Variants in MED26 observed in about 807,000 individuals in gnomAD.
MED26 encodes the protein mediator complex subunit 26.
A neutral mutation model predicts 43.7 loss-of-function variants in MED26; 7 were observed. The ratio of observed to expected loss-of-function variants is 0.16; its 90% CI spans 0.09 to 0.30. MED26 has a LOEUF of 0.30. Among genes scored for constraint, MED26 ranks in the 10% least tolerant of loss-of-function variants. The pLI, the probability that MED26 is intolerant of heterozygous loss-of-function variation, is 1.00. For synonymous variants in MED26, 375 were observed against 371.1 expected (o/e 1.01, Z -0.12); for missense variants, 784 against 840.6 (o/e 0.93, Z 0.83).
intron 1 of MED26, among the ~76,000 whole-genome samples, chr19:16,590,032 T>C (rs1276765150): frequency 6.6e-6 from 1 of 152,228 alleles, no homozygotes; most frequent in Non-Finnish European, 1.5e-5. Context: ...CTGAGAAACG[T>C]GTCTGCACTC....
At chr19:16,626,039 A>G (rs1472801274) in intron 1 of MED26, among the ~76,000 whole-genome samples, 2 of 152,284 alleles carry the variant, frequency 1.3e-5, no homozygotes, top group African/African-American at 4.8e-5. Flanking sequence ...ACACAAAACT[A>G]AGATTTGTTC....
At chr19:16,580,199 C>A (rs1029445865) in intron 1 of MED26, among the ~76,000 whole-genome samples, 2 of 152,302 alleles carry the variant, frequency 1.3e-5, no homozygotes, top group South Asian at 4.1e-4. Flanking sequence ...GCCAAGACTG[C>A]GTGGCAAGAG....
intron 1 of MED26, among the ~76,000 whole-genome samples, chr19:16,596,369 G>A (rs1197819506): frequency 6.6e-6 from 1 of 152,192 alleles, no homozygotes; most frequent in African/African-American, 2.4e-5. Flanking sequence ...GTCTCCAAAC[G>A]TGAAGGCCAG....
At chr19:16,598,260 C>A (rs567892383) in intron 1 of MED26, among the ~76,000 whole-genome samples, 2 of 147,012 alleles carry the variant, frequency 1.4e-5, no homozygotes, top group South Asian at 4.3e-4. Flanking sequence ...TGGCTTGAAT[C>A]CGGGAGGCGC....
intron 1 of MED26, among the ~76,000 whole-genome samples, chr19:16,585,888 G>C (rs999334817): frequency 1.3e-5 from 2 of 152,198 alleles, no homozygotes; most frequent in South Asian, 2.1e-4. Context: ...GAGTGGACCC[G>C]CTACTGGCCA....
intron 1 of MED26, among the ~76,000 whole-genome samples, chr19:16,593,882 C>G (rs144931551): frequency 3.9e-5 from 6 of 152,288 alleles, no homozygotes; most frequent in African/African-American, 1.4e-4. Context: ...CTCTCTCAGG[C>G]AAACATGTTT....
intron 1 of MED26, among the ~76,000 whole-genome samples, chr19:16,596,936 G>A (rs925764442): frequency 1.3e-5 from 2 of 152,222 alleles, no homozygotes; most frequent in African/African-American, 4.8e-5. Context: ...GGGCCAACTT[G>A]CAGCAGTTCA....
At chr19:16,588,317 C>CA (rs777156035) in intron 1 of MED26, 1 of 152,294 alleles carries the variant, frequency 6.6e-6, no homozygotes, top group Non-Finnish European at 1.5e-5. Context: ...AACACACACA[C>CA]AGTGCTCGGC....
Position 16,577,873 on chromosome 19 carries a change from G to A in MED26, c.148-191C>T. 1.9e-6 allele frequency: 1 copy of A among 537,270 alleles called. No homozygotes were observed. Among genetic ancestry groups the A allele is most frequent in the Non-Finnish European group, 3.2e-6 (1 of 308,756 alleles). 33.3% of individuals were successfully genotyped at this position (537,270 alleles called of 1,614,324 possible). On this transcript the variant is annotated intron_variant, in intron 2 of 2. Transcript: ENST00000263390. This position sits in a 1 kb window ranked among gnomAD's most constrained non-coding sequence, Gnocchi z 8.1. The stretch of plus-strand genomic sequence containing the variant: ...GTGACAATATAAATTCTCAAACCTA[G>A]TTCCCAGACCTTCAGGGTCCCAGGT...
rs1204808834 is a variant in MED26 at position 16,577,297 on chromosome 19, G to A, written c.533C>T (p.Ser178Phe). 2 of 1,611,580 alleles carry A rather than the reference G, an allele frequency of 1.2e-6. No individual in the cohort carries two copies. The highest frequency in any genetic ancestry group is 1.7e-6 in the Non-Finnish European group (2 of 1,178,738). Residue 178 changes from serine (S) to phenylalanine (F), a missense_variant, in exon 3 of 3, where the codon TCC becomes TTC. Physicochemically the swap from Ser to Phe is radical, Grantham distance 155. Around this residue, in one of 3 missense-constraint regions of MED26, gnomAD observed 719 missense variants for 730.9 expected, o/e 0.98. Coordinates refer to ENST00000263390, the MANE Select transcript of MED26 (RefSeq NM_004831.5). This position sits in a 1 kb window ranked among gnomAD's most constrained non-coding sequence, Gnocchi z 8.1. ...ASHDPLVPNSSPLPTNGISGS... is the reference protein window; with the variant it reads ...ASHDPLVPNSFPLPTNGISGS... ...ACTGATCCCGTTGGTGGGGAGGGGG[G>A]ATGAGTTGGGGACCAGGGGGTCGTG...
chr19:16,624,033 C>CA (rs2086262692), intron 1 of MED26, among the ~76,000 whole-genome samples: 1 of 151,862 alleles, frequency 6.6e-6, no homozygotes, highest in African/African-American at 2.4e-5. Flanking sequence ...GGGTGCCACA[C>CA]AAACTAACAA....
chr19:16,601,828 G>C (rs1245845451), intron 1 of MED26, among the ~76,000 whole-genome samples: 1 of 152,260 alleles, frequency 6.6e-6, no homozygotes, highest in Non-Finnish European at 1.5e-5. Context: ...GGGAGTGACA[G>C]GGTCAGACTG....
intron 1 of MED26, among the ~76,000 whole-genome samples, chr19:16,606,682 A>G (rs2086174850): frequency 6.6e-6 from 1 of 152,240 alleles, no homozygotes; most frequent in Admixed American, 6.5e-5. Context: ...GAGATTTTTG[A>G]TGGCTCAGTG....
intron 1 of MED26, among the ~76,000 whole-genome samples, chr19:16,583,247 C>G (rs893037007): frequency 4.6e-5 from 7 of 152,202 alleles, no homozygotes; most frequent in Non-Finnish European, 1.0e-4. Flanking sequence ...GGATTTGTTC[C>G]CAGTCCAAAA....
At chr19:16,620,811 C>T (rs2086248325) in intron 1 of MED26, among the ~76,000 whole-genome samples, 1 of 152,192 alleles carries the variant, frequency 6.6e-6, no homozygotes, top group South Asian at 2.1e-4. Flanking sequence ...TACACTGATG[C>T]TGTTTTGATG....
At chr19:16,602,712 T>C (rs895863743) in intron 1 of MED26, among the ~76,000 whole-genome samples, 7 of 152,182 alleles carry the variant, frequency 4.6e-5, no homozygotes, top group Non-Finnish European at 7.3e-5. Flanking sequence ...AGATGAAGAC[T>C]GAAGACATTA....
Position 16,578,345 on chromosome 19 carries a change from T to G in MED26, c.137A>C (p.Glu46Ala). 1 of 1,614,034 alleles carries G rather than the reference T, an allele frequency of 6.2e-7. No individual in the cohort carries two copies. Among genetic ancestry groups the G allele is most frequent in the Non-Finnish European group, 8.5e-7 (1 of 1,179,968 alleles). Residue 46 changes from glutamate to alanine, a missense_variant, in exon 2 of 3, where the codon GAG becomes GCG. Transcript: ENST00000263390. Reference protein sequence around the residue: ...SSLEKYPITKEALEETRLGKL... With the variant: ...SSLEKYPITKAALEETRLGKL... ...GTCTGGGATACTCACCTCAAGTGCC[T>G]CTTTGGTAATAGGGTATTTCTCCAG... is the stretch of plus-strand genomic sequence containing the variant.
At chr19:16,609,311 CAAA>C (rs777358965) in intron 1 of MED26, among the ~76,000 whole-genome samples, 20 of 25,064 alleles carry the variant, frequency 8.0e-4, no homozygotes, top group East Asian at 5.1e-3. Flanking sequence ...GACTCCGTCT[CAAA>C]AAAAAAAAAA....
chr19:16,599,222 C>T (rs573885370), intron 1 of MED26, among the ~76,000 whole-genome samples: 3 of 152,256 alleles, frequency 2.0e-5, no homozygotes, highest in East Asian at 3.9e-4. Context: ...GTGGGTTATA[C>T]TTTTCCCTAG....
Sources: allele counts gnomAD v4.1 joint callset (sites outside exome capture counted in the v4.1 genomes callset), GRCh38; gene constraint gnomAD v4.1.1; regional missense constraint gnomAD v4.1.1; non-coding constraint Gnocchi (gnomAD v3.1); transcripts MANE v1.5; gene names NCBI Gene and HGNC (gene_info 2026-07-23, HGNC 2026-07-21).